TMX2: variants seen among roughly 807,000 people sequenced by gnomAD.
TMX2 encodes the protein thioredoxin-related transmembrane protein 2.
Under a neutral mutation model 33.4 loss-of-function variants are expected in TMX2, and 20 were observed. The observed-to-expected ratio is 0.60, with a 90% CI of 0.42 to 0.87. The LOEUF is 0.87. TMX2 is among the 40% of genes least tolerant of loss of function. The pLI, the probability that TMX2 is intolerant of heterozygous loss-of-function variation, is 0.00. For synonymous variants in TMX2, 166 were observed against 140.7 expected, an observed-to-expected ratio of 1.18 and a Z score of -1.27; for missense variants, 340 against 370.7, an observed-to-expected ratio of 0.92 and a Z score of 0.68.
chr11:57,736,443 G>A (rs1433802882), intron 1 of TMX2, among the ~76,000 whole-genome samples: 1 of 152,154 alleles, frequency 6.6e-6, no homozygotes, highest in Admixed American at 6.5e-5. Context: ...GTGAGCCACA[G>A]GTTGGACAAG....
chr11:57,717,830 T>G (rs900908226), intron 1 of TMX2, among the ~76,000 whole-genome samples: 1 of 152,036 alleles, frequency 6.6e-6, no homozygotes, highest in Admixed American at 6.6e-5. Context: ...TTATTGTTGT[T>G]GTTATTTAGT....
At chr11:57,726,667 C>G (rs1948020018) in intron 1 of TMX2, among the ~76,000 whole-genome samples, 3 of 152,250 alleles carry the variant, frequency 2.0e-5, no homozygotes, top group South Asian at 2.1e-4. Context: ...CTCCCAAATA[C>G]CAGTATATGG....
chr11:57,727,433 CAA>C (rs1341122623), intron 1 of TMX2, among the ~76,000 whole-genome samples: 1 of 152,016 alleles, frequency 6.6e-6, no homozygotes, highest in Non-Finnish European at 1.5e-5. Context: ...GCTTTTTGGC[CAA>C]GAGAGGGGAC....
Position 57,712,781 on chromosome 11 carries a change from G to A in TMX2, c.163G>A (p.Asp55Asn), listed in dbSNP as rs1168133478. 6.2e-7 allele frequency: 1 copy of A among 1,614,116 alleles called. No individual in the cohort carries two copies. Among genetic ancestry groups the A allele is most frequent in the Admixed American group, 1.7e-5 (1 of 60,022 alleles). ...LCHGLPTQRE[D>N]GNPCDFDWRE... ...CCACGGTCTGCCCACCCAACGCGAA[G>A]ACGGTAACCCGTGTGACTTTGACTG... The change falls in exon 1 of 8, where the codon GAC becomes AAC. Residue 55 changes from aspartate (D) to asparagine (N), a missense_variant. This residue lies in a region of TMX2 where 106 missense variants were observed against 82.7 expected (regional missense o/e 1.28). Coordinates refer to ENST00000278422, the MANE Select transcript of TMX2 (RefSeq NM_015959.4).
chr11:57,718,269 A>G (rs530200018), intron 1 of TMX2: 3 of 1,543,328 alleles, frequency 1.9e-6, no homozygotes, highest in African/African-American at 2.7e-5. Flanking sequence ...ATGCTTTAGG[A>G]TGAAGTTCTC....
chr11:57,716,339 GGGGGC>G (rs1947029161), intron 1 of TMX2, among the ~76,000 whole-genome samples: 1 of 134,726 alleles, frequency 7.4e-6, no homozygotes, highest in Non-Finnish European at 1.7e-5. Flanking sequence ...TGGCCGGGCG[GGGGGC>G]TGACCCCCAC....
intron 1 of TMX2, among the ~76,000 whole-genome samples, chr11:57,729,720 C>T (rs759687971): frequency 9.3e-5 from 14 of 150,174 alleles, no homozygotes; most frequent in Non-Finnish European, 1.6e-4. Context: ...GTGCTTCTAT[C>T]GGCATACCTA....
intron 1 of TMX2, among the ~76,000 whole-genome samples, chr11:57,731,841 G>T (rs1464850024): frequency 6.6e-6 from 1 of 152,138 alleles, no homozygotes; most frequent in East Asian, 1.9e-4. Flanking sequence ...CACCAGTCTG[G>T]AGGGCCAGCT....
chr11:57,718,651 CT>C (rs1458691090), intron 1 of TMX2: 9 of 317,532 alleles, frequency 2.8e-5, no homozygotes, highest in Admixed American at 9.3e-5. Context: ...ATAACCCCCC[CT>C]CTTTTTTTTT....
chr11:57,718,533 C>G, intron 1 of TMX2: 3 of 714,836 alleles, frequency 4.2e-6, no homozygotes, highest in East Asian at 2.9e-5. Context: ...TTGACCATGG[C>G]TGATAGTACA....
At position 57,740,416 on chromosome 11, in the gene TMX2, A is replaced by T. The variant is rs1045345003; in HGVS notation, c.*171A>T. The T allele has an allele frequency of 1.3e-6, 1 of 750,500 alleles. No individual in the cohort carries two copies. The highest frequency in any genetic ancestry group is 2.0e-6 in the Non-Finnish European group (1 of 494,832). The allele number at this position is 750,500 out of a possible 1,614,324, so 46.5% of individuals were successfully genotyped here. On this transcript the variant is annotated 3_prime_UTR_variant, in exon 8 of 8. Coordinates refer to ENST00000278422, the MANE Select transcript of TMX2 (RefSeq NM_015959.4). ...TCTAGGGAATTGTCAGGCACCCTAC[A>T]GGAAGGCCTGCCATGCTGTGGCCAA...
At position 57,712,732 on chromosome 11, in the gene TMX2, C is replaced by G. The variant is rs35186072; in HGVS notation, c.114C>G (p.Leu38=). The part of the protein sequence containing the change: ...LSALLSAAFL[L]VRKLPPLCHG... ...CCCTGCTCTCTGCTGCCTTCCTACT[C>G]GTGAGGAAACTGCCGCCGCTCTGCC... The change falls in exon 1 of 8, where the codon CTC becomes CTG. Residue 38 remains leucine, a synonymous_variant. Transcript: ENST00000278422. The G allele has an allele frequency of 6.2e-7, 1 of 1,614,052 alleles. No homozygotes were observed. Among genetic ancestry groups the G allele is most frequent in the Non-Finnish European group, 8.5e-7 (1 of 1,180,050 alleles).
intron 1 of TMX2, among the ~76,000 whole-genome samples, chr11:57,735,121 G>A (rs987389714): frequency 6.6e-6 from 1 of 151,906 alleles, no homozygotes; most frequent in African/African-American, 2.4e-5. Context: ...CAGAGCAAGA[G>A]TCCGTCTCAA....
At chr11:57,733,724 C>T (rs1224522545) in intron 1 of TMX2, among the ~76,000 whole-genome samples, 1 of 152,084 alleles carries the variant, frequency 6.6e-6, no homozygotes, top group Non-Finnish European at 1.5e-5. Flanking sequence ...CTTCTGTATG[C>T]TTCAAATTAT....
intron 1 of TMX2, chr11:57,718,572 T>G: frequency 1.6e-6 from 1 of 609,906 alleles, no homozygotes; most frequent in Admixed American, 2.5e-5. Context: ...GCAAAGCCTC[T>G]TTGCCCAACT....
At chr11:57,719,031 ATATTT>A (rs1161331308) in intron 1 of TMX2, among the ~76,000 whole-genome samples, 121 of 81,950 alleles carry the variant, frequency 1.5e-3, no homozygotes, top group African/African-American at 5.0e-3. Context: ...ATATATATAT[ATATTT>A]TTTTTTTTTT....
intron 1 of TMX2, among the ~76,000 whole-genome samples, chr11:57,715,729 G>C (rs909227860): frequency 3.3e-5 from 5 of 151,674 alleles, no homozygotes; most frequent in African/African-American, 1.2e-4. Flanking sequence ...GGACCCTGCC[G>C]CCTTCCGCAG....
intron 1 of TMX2, chr11:57,718,497 C>G (rs1947327334): frequency 1.2e-6 from 1 of 830,150 alleles, no homozygotes; most frequent in African/African-American, 1.7e-5. Flanking sequence ...GGCTCACCAT[C>G]CACGGTGATG....
At chr11:57,739,523 C>T (rs555031482) in intron 7 of TMX2, among the ~76,000 whole-genome samples, 3 of 152,218 alleles carry the variant, frequency 2.0e-5, no homozygotes, top group South Asian at 2.1e-4. Flanking sequence ...TTTGGGAGGC[C>T]GAGGCTGGCA....
Sources: allele counts gnomAD v4.1 joint callset (sites outside exome capture counted in the v4.1 genomes callset), GRCh38; gene constraint gnomAD v4.1.1; regional missense constraint gnomAD v4.1.1; transcripts MANE v1.5; gene names NCBI Gene and HGNC (gene_info 2026-07-23, HGNC 2026-07-21).